Variants in ARL8A observed in about 807,000 individuals in gnomAD.
The protein encoded by ARL8A is ADP-ribosylation factor-like protein 8A.
Under a neutral mutation model 31.2 loss-of-function variants are expected in ARL8A, and 10 were observed. The observed-to-expected ratio is 0.32, with a 90% CI of 0.20 to 0.54. The LOEUF (loss-of-function observed/expected upper bound fraction) is 0.54, where lower values mean the gene tolerates loss of function less well. ARL8A is among the 20% of genes least tolerant of loss of function. The pLI is 0.93. For missense variants in ARL8A, 129 were observed against 242.8 expected, an observed-to-expected ratio of 0.53 and a Z score of 3.12; for synonymous variants, 70 against 86.9, an observed-to-expected ratio of 0.81 and a Z score of 1.08.
At position 202,135,787 on chromosome 1, in the gene ARL8A, C is replaced by G; in HGVS notation, c.292G>C (p.Ala98Pro). 1 of 1,614,162 alleles carries G rather than the reference C, an allele frequency of 6.2e-7. No individual in the cohort carries two copies. The highest frequency in any genetic ancestry group is 8.5e-7 in the Non-Finnish European group (1 of 1,179,980). The change falls in exon 4 of 7, where the codon GCT becomes CCT. Residue 98 changes from alanine to proline, a missense_variant. Coordinates refer to ENST00000272217, the MANE Select transcript of ARL8A (RefSeq NM_138795.4). This position sits in a 1 kb window ranked among gnomAD's most constrained non-coding sequence, Gnocchi z 5.3. ...GCCTCAATCTTCTCCTGGTCAGCAGCATCCACCATGTACCTGGGGAAAGAG... is the reference window on the plus strand; with the variant it reads ...GCCTCAATCTTCTCCTGGTCAGCAGGATCCACCATGTACCTGGGGAAAGAG... ...GVSAIVYMVDAADQEKIEASK... is the reference protein window; with the variant it reads ...GVSAIVYMVDPADQEKIEASK...
chr1:202,134,280 G>A lies in ARL8A; in HGVS notation c.*187C>T. 1.7e-6 allele frequency: 1 copy of A among 579,796 alleles called. No individual in the cohort carries two copies. Among genetic ancestry groups the A allele is most frequent in the East Asian group, 3.0e-5 (1 of 33,814 alleles). 35.9% of individuals were successfully genotyped at this position (579,796 alleles called of 1,614,324 possible). ...GAGAAGTTAGGGGACCAGAATGGGG[G>A]GCAATTTATTTTACAATAAAAACAG... On this transcript the variant is annotated 3_prime_UTR_variant, in exon 7 of 7. Coordinates refer to ENST00000272217, the MANE Select transcript of ARL8A (RefSeq NM_138795.4). The surrounding 1 kb of genome is among the most constrained non-coding windows in gnomAD (Gnocchi z 4.2).
At chr1:202,140,292 G>A (rs1352586893) in intron 1 of ARL8A, among the ~76,000 whole-genome samples, 1 of 128,716 alleles carries the variant, frequency 7.8e-6, no homozygotes, top group Non-Finnish European at 1.6e-5. Flanking sequence ...ACCATGCCTA[G>A]CTAATTTTTT....
Position 202,135,306 on chromosome 1 carries a change from TA to T in ARL8A, c.441-87del. On this transcript the variant is annotated intron_variant, in intron 5 of 6. Transcript: ENST00000272217. The surrounding 1 kb of genome is among the most constrained non-coding windows in gnomAD (Gnocchi z 5.3). The stretch of plus-strand genomic sequence containing the variant: ...GGGACAGCGGGGCCTTTTTCTTACC[TA>T]AGAGGCTACAAAGGGGAGGGTGAGG... The T allele has an allele frequency of 6.7e-7, 1 of 1,483,516 alleles. No individual in the cohort carries two copies. Among genetic ancestry groups the T allele is most frequent in the Non-Finnish European group, 9.4e-7 (1 of 1,062,448 alleles). 91.9% of individuals were successfully genotyped at this position (1,483,516 alleles called of 1,614,324 possible).
intron 3 of ARL8A, among the ~76,000 whole-genome samples, chr1:202,136,120 T>C (rs534911435): frequency 6.6e-6 from 1 of 152,280 alleles, no homozygotes; most frequent in East Asian, 1.9e-4. Flanking sequence ...ACTTATGTTT[T>C]CATGGAAAGA....
intron 1 of ARL8A, among the ~76,000 whole-genome samples, chr1:202,140,844 T>G (rs899103805): frequency 2.6e-5 from 4 of 152,152 alleles, no homozygotes; most frequent in African/African-American, 9.7e-5. Flanking sequence ...GAGGCCCAGT[T>G]CTTGTTTGTC....
intron 1 of ARL8A, among the ~76,000 whole-genome samples, chr1:202,143,825 T>A (rs911439323): frequency 8.5e-5 from 13 of 152,144 alleles, no homozygotes; most frequent in African/African-American, 3.1e-4. Context: ...CGATCCTCCC[T>A]GGACCCCCGG....
intron 3 of ARL8A, among the ~76,000 whole-genome samples, 175 bp downstream of exon 3, chr1:202,137,790 A>G (rs1655052927): frequency 6.6e-6 from 1 of 152,318 alleles, no homozygotes; most frequent in Non-Finnish European, 1.5e-5. Flanking sequence ...TGCCCAGGGC[A>G]TTTATCCAAT....
In ARL8A at chr1:202,138,538, G is replaced by T; in HGVS notation, c.124-90C>A. ...GGCTGCGAGAACCATGCAGAGGCCA[G>T]GCCAGAGCTTCCTAGACTTCCCACT... On this transcript the variant is annotated intron_variant, in intron 1 of 6. Transcript: ENST00000272217. This position sits in a 1 kb window ranked among gnomAD's most constrained non-coding sequence, Gnocchi z 4.4. The T allele has an allele frequency of 7.9e-7, 1 of 1,258,324 alleles. No individual in the cohort carries two copies. Among genetic ancestry groups the T allele is most frequent in the Non-Finnish European group, 1.2e-6 (1 of 867,294 alleles). The allele number at this position is 1,258,324 out of a possible 1,614,324, so 77.9% of individuals were successfully genotyped here.
chr1:202,141,827 A>T (rs576188374), intron 1 of ARL8A, among the ~76,000 whole-genome samples: 1 of 151,792 alleles, frequency 6.6e-6, no homozygotes, highest in Non-Finnish European at 1.5e-5. Flanking sequence ...CCACTTTTCT[A>T]GCATCACAAC....
intron 1 of ARL8A, among the ~76,000 whole-genome samples, chr1:202,143,744 C>G (rs1028957653): frequency 6.6e-6 from 1 of 152,250 alleles, no homozygotes; most frequent in East Asian, 1.9e-4. Context: ...ACACCTCATC[C>G]TCTCTTGTCG....
chr1:202,144,362 G>T lies in ARL8A; in HGVS notation c.123+88C>A. On this transcript the variant is annotated intron_variant, in intron 1 of 6. Transcript: ENST00000272217. This position sits in a 1 kb window ranked among gnomAD's most constrained non-coding sequence, Gnocchi z 5.2. ...GCCGTGCCCGGCTATGCCAGGCGGCGACCCCGGCTCAGCAGGGCGCGGCGC... is the reference window on the plus strand; with the variant it reads ...GCCGTGCCCGGCTATGCCAGGCGGCTACCCCGGCTCAGCAGGGCGCGGCGC... 1 of 929,112 alleles carries T rather than the reference G, an allele frequency of 1.1e-6. No individual in the cohort carries two copies. Among genetic ancestry groups the T allele is most frequent in the South Asian group, 4.8e-5 (1 of 20,734 alleles). 57.6% of individuals were successfully genotyped at this position (929,112 alleles called of 1,614,324 possible).
intron 1 of ARL8A, among the ~76,000 whole-genome samples, chr1:202,141,120 G>A (rs1449200002): frequency 6.6e-6 from 1 of 152,168 alleles, no homozygotes; most frequent in East Asian, 1.9e-4. Context: ...CCTTCAAGGA[G>A]CCAGGCTCCC....
rs1571720634 is a variant in ARL8A, at chr1:202,138,324, C to A, written c.204+44G>T. 1 of 1,321,126 alleles carries A rather than the reference C, an allele frequency of 7.6e-7. No individual in the cohort carries two copies. Among genetic ancestry groups the A allele is most frequent in the Non-Finnish European group, 1.1e-6 (1 of 933,882 alleles). The allele number at this position is 1,321,126 out of a possible 1,614,324, so 81.8% of individuals were successfully genotyped here. A position where few individuals can be genotyped will look rare whatever the true frequency, so the allele number is the denominator to read the frequency against. ...ACACACACACACACACACACACACA[C>A]ACAAAAACAGTCCTCTGCACCCCCC... On this transcript the variant is annotated intron_variant, in intron 2 of 6. Transcript: ENST00000272217. The surrounding 1 kb of genome is among the most constrained non-coding windows in gnomAD (Gnocchi z 4.4).
chr1:202,141,172 G>T (rs1655156734), intron 1 of ARL8A, among the ~76,000 whole-genome samples: 1 of 152,152 alleles, frequency 6.6e-6, no homozygotes, highest in Admixed American at 6.5e-5. Flanking sequence ...CGGAGCTAAG[G>T]TGGAATCAGA....
chr1:202,139,695 G>A (rs1655115309), intron 1 of ARL8A, among the ~76,000 whole-genome samples: 1 of 134,338 alleles, frequency 7.4e-6, no homozygotes, highest in Admixed American at 8.1e-5. Context: ...GCCCAGGCTG[G>A]AGTGCAGTGA....
chr1:202,144,442 C>T lies in ARL8A; in HGVS notation c.123+8G>A. ...CGCCCGGGGACCCCGCGCCCGACGC[C>T]CTCGTACCGCGATCACGTTGACGAA... On this transcript the variant is annotated splice_region_variant and intron_variant, in intron 1 of 6. Coordinates refer to ENST00000272217, the MANE Select transcript of ARL8A (RefSeq NM_138795.4). This position sits in a 1 kb window ranked among gnomAD's most constrained non-coding sequence, Gnocchi z 5.2. 3 of 1,419,616 alleles carry T rather than the reference C, an allele frequency of 2.1e-6. No individual in the cohort carries two copies. The highest frequency in any genetic ancestry group is 2.8e-6 in the Non-Finnish European group (3 of 1,061,692). The allele number at this position is 1,419,616 out of a possible 1,614,324, so 87.9% of individuals were successfully genotyped here.
In ARL8A at chr1:202,138,119, C is replaced by T. The variant is rs1464732802; in HGVS notation, c.205-81G>A. On this transcript the variant is annotated intron_variant, in intron 2 of 6. Coordinates refer to ENST00000272217, the MANE Select transcript of ARL8A (RefSeq NM_138795.4). This position sits in a 1 kb window ranked among gnomAD's most constrained non-coding sequence, Gnocchi z 4.4. ...CTTGGGTCTCAAATGCCCCCTCCTACCCTGCCCTACTCTCCTCTGCCTCCC... is the reference window on the plus strand; with the variant it reads ...CTTGGGTCTCAAATGCCCCCTCCTATCCTGCCCTACTCTCCTCTGCCTCCC... The T allele has an allele frequency of 9.3e-6, 14 of 1,499,348 alleles. No homozygotes were observed. The highest frequency in any genetic ancestry group is 1.7e-5 in the Admixed American group (1 of 58,110). The allele number at this position is 1,499,348 out of a possible 1,614,324, so 92.9% of individuals were successfully genotyped here. A position where few individuals can be genotyped will look rare whatever the true frequency, so the allele number is the denominator to read the frequency against.
intron 1 of ARL8A, among the ~76,000 whole-genome samples, chr1:202,143,227 G>A (rs2147814592): frequency 6.6e-6 from 1 of 152,320 alleles, no homozygotes; most frequent in Admixed American, 6.5e-5. Context: ...ACCACAGGAT[G>A]CCCGCCCCTC....
Position 202,134,910 on chromosome 1 carries a change from C to T in ARL8A, c.511+240G>A, listed in dbSNP as rs1654963139. ...GGGACCTGAGAATCACCGGGTCCAGCCCTGGAATCTTAGAAACGAGGAGGT... is the reference window on the plus strand; with the variant it reads ...GGGACCTGAGAATCACCGGGTCCAGTCCTGGAATCTTAGAAACGAGGAGGT... On this transcript the variant is annotated intron_variant, in intron 6 of 6. Coordinates refer to ENST00000272217, the MANE Select transcript of ARL8A (RefSeq NM_138795.4). This position sits in a 1 kb window ranked among gnomAD's most constrained non-coding sequence, Gnocchi z 4.2. 6.6e-6 allele frequency among the ~76,000 whole-genome samples: 1 copy of T among 152,156 alleles called. No homozygotes were observed. Among genetic ancestry groups the T allele is most frequent in the African/African-American group, 2.4e-5 (1 of 41,426 alleles).
Sources: allele counts gnomAD v4.1 joint callset (sites outside exome capture counted in the v4.1 genomes callset), GRCh38; gene constraint gnomAD v4.1.1; non-coding constraint Gnocchi (gnomAD v3.1); transcripts MANE v1.5; gene names NCBI Gene and HGNC (gene_info 2026-07-23, HGNC 2026-07-21).